The following ADAMTSL1 variants were observed in gnomAD, a reference collection of about 807,000 sequenced individuals.
ADAMTSL1 encodes the protein ADAMTS like 1.
ADAMTSL1 carries 126 observed loss-of-function variants against 201.8 expected under a neutral mutation model. The observed-to-expected ratio is 0.62, with a 90% confidence interval of 0.54 to 0.72. The LOEUF (loss-of-function observed/expected upper bound fraction) is 0.72, where lower values mean the gene tolerates loss of function less well. Ranked by LOEUF, ADAMTSL1 falls within the 30% of genes least tolerant of loss-of-function variation. The probability of loss-of-function intolerance (pLI) is 0.00; values close to 1 mark genes in which losing one functional copy is unlikely to be tolerated. For synonymous variants in ADAMTSL1, 1,121 were observed against 903.4 expected (o/e 1.24, Z -4.32); for missense variants, 2,679 against 2,277.8 (o/e 1.18, Z -3.59).
chr9:18,180,342 G>A (rs1380436528), intron 2 of ADAMTSL1, among the ~76,000 whole-genome samples: 2 of 152,032 alleles, frequency 1.3e-5, no homozygotes, highest in East Asian at 1.9e-4. Flanking sequence ...GACCATCCCG[G>A]CTAAAACGGT....
intron 1 of ADAMTSL1, among the ~76,000 whole-genome samples, chr9:17,928,691 C>T (rs1328399038): frequency 2.0e-5 from 3 of 152,112 alleles, no homozygotes; most frequent in Admixed American, 2.0e-4. Flanking sequence ...GGGAGGATTG[C>T]TTGAGGCCAG....
Position 18,261,710 on chromosome 9 carries a change from TG to T in ADAMTSL1, c.207+97730del, listed in dbSNP as rs1219190135. Among the ~76,000 whole-genome samples the T allele has an allele frequency of 2.0e-5, 3 of 152,330 alleles. No homozygotes were observed. The East Asian group carries it at 5.8e-4, about 29-fold the overall frequency. On this transcript the variant is annotated intron_variant, in intron 2 of 29. Transcript: ENST00000680146. ...AATAGCTGTTGTCCCACAGTGTAGC[TG>T]CTGTGGGCTTACACTGCAGGGGTGC...
intron 2 of ADAMTSL1, among the ~76,000 whole-genome samples, chr9:18,383,857 G>C (rs1209173203): frequency 1.3e-5 from 2 of 152,158 alleles, no homozygotes; most frequent in African/African-American, 2.4e-5. Flanking sequence ...ATTGACAACA[G>C]TGCTCCTGAA....
At chr9:18,670,817 T>C (rs1467268018) in intron 9 of ADAMTSL1, among the ~76,000 whole-genome samples, 1 of 152,152 alleles carries the variant, frequency 6.6e-6, no homozygotes, top group Non-Finnish European at 1.5e-5. Context: ...AGTTAGAAGT[T>C]AGTACAGTTG....
intron 23 of ADAMTSL1, among the ~76,000 whole-genome samples, chr9:18,867,332 C>CA (rs1827596740): frequency 6.6e-6 from 1 of 152,166 alleles, no homozygotes; most frequent in Non-Finnish European, 1.5e-5. Flanking sequence ...TAGGCTGGTA[C>CA]AGCAATTGTT....
chr9:18,872,793 A>C (rs1170065205), intron 23 of ADAMTSL1, among the ~76,000 whole-genome samples: 1 of 152,142 alleles, frequency 6.6e-6, no homozygotes, highest in South Asian at 2.1e-4. Context: ...CTGCTGCTAT[A>C]AACATGCATG....
chr9:18,553,210 CTTT>C (rs35874115), intron 3 of ADAMTSL1, among the ~76,000 whole-genome samples: 1 of 135,872 alleles, frequency 7.4e-6, no homozygotes, highest in Non-Finnish European at 1.6e-5. Context: ...TAGTCCCAGT[CTTT>C]TTTTTTTTTT....
At chr9:17,938,880 G>A (rs977614185) in intron 1 of ADAMTSL1, among the ~76,000 whole-genome samples, 4 of 152,088 alleles carry the variant, frequency 2.6e-5, no homozygotes, top group African/African-American at 9.7e-5. Context: ...TGAGTATCTT[G>A]TCATCATCTT....
chr9:18,385,427 A>G (rs941177479), intron 2 of ADAMTSL1, among the ~76,000 whole-genome samples: 4 of 152,192 alleles, frequency 2.6e-5, no homozygotes, highest in African/African-American at 9.6e-5. Flanking sequence ...TTACTTTGAT[A>G]TGGTTCTAAA....
intron 1 of ADAMTSL1, among the ~76,000 whole-genome samples, chr9:17,908,256 G>C (rs767589580): frequency 6.6e-6 from 1 of 152,118 alleles, no homozygotes; most frequent in Non-Finnish European, 1.5e-5. Flanking sequence ...TCCTTGTCAG[G>C]GCTTCCCAGC....
intron 20 of ADAMTSL1, among the ~76,000 whole-genome samples, chr9:18,813,245 T>C (rs1823625565): frequency 6.6e-6 from 1 of 152,186 alleles, no homozygotes; most frequent in Admixed American, 6.5e-5. Context: ...ATTACAGGCA[T>C]GAGCCACCAC....
chr9:18,404,181 T>C (rs1818093688), intron 2 of ADAMTSL1, among the ~76,000 whole-genome samples: 1 of 152,240 alleles, frequency 6.6e-6, no homozygotes, highest in Non-Finnish European at 1.5e-5. Flanking sequence ...AATTCTTTTA[T>C]TTCAAGTATC....
At chr9:18,055,940 C>T (rs140379381) in intron 1 of ADAMTSL1, among the ~76,000 whole-genome samples, 71 of 152,244 alleles carry the variant, frequency 4.7e-4, no homozygotes, top group African/African-American at 7.5e-4. Context: ...TTTAAAAATA[C>T]GCTCATTAAT....
intron 2 of ADAMTSL1, among the ~76,000 whole-genome samples, chr9:18,461,252 A>G (rs927744891): frequency 6.6e-6 from 1 of 152,212 alleles, no homozygotes. Context: ...TAATCAAAAT[A>G]TGTTATTGTT....
At chr9:18,720,880 C>T (rs1006841847) in intron 14 of ADAMTSL1, among the ~76,000 whole-genome samples, 2 of 152,230 alleles carry the variant, frequency 1.3e-5, no homozygotes, top group Non-Finnish European at 2.9e-5. Context: ...GCTCAAACTC[C>T]TGTTTCACTA....
intron 1 of ADAMTSL1, among the ~76,000 whole-genome samples, chr9:18,501,107 T>G (rs564123756): frequency 3.3e-5 from 5 of 152,240 alleles, no homozygotes; most frequent in Admixed American, 6.5e-5. Flanking sequence ...CGACCCATTA[T>G]CTACTCTTTA....
At chr9:18,224,137 G>A (rs185319793) in intron 2 of ADAMTSL1, among the ~76,000 whole-genome samples, 12 of 152,214 alleles carry the variant, frequency 7.9e-5, no homozygotes. Context: ...TGCCATTTGG[G>A]CATGGTCTTG....
At chr9:18,695,114 G>T (rs550101105) in intron 13 of ADAMTSL1, among the ~76,000 whole-genome samples, 1 of 152,312 alleles carries the variant, frequency 6.6e-6, no homozygotes, top group South Asian at 2.1e-4. Context: ...GGTTGTGCAG[G>T]GCAGTGGAGC....
chr9:18,026,945 G>A (rs143610503), intron 1 of ADAMTSL1, among the ~76,000 whole-genome samples: 468 of 151,942 alleles, frequency 3.1e-3, no homozygotes, highest in African/African-American at 0.01. Flanking sequence ...TGGGAGTTAT[G>A]TGTTTCCAGG....
Sources: gnomAD v4.1 joint callset for allele counts (sites outside exome capture counted in the v4.1 genomes callset) on GRCh38, gnomAD v4.1.1 for gene constraint, MANE v1.5 for transcripts, NCBI Gene and HGNC (gene_info 2026-07-23, HGNC 2026-07-21) for gene names.